PCDHAC1: variants seen among roughly 807,000 people sequenced by gnomAD.
The protein encoded by PCDHAC1 is protocadherin alpha-C1.
Under a neutral mutation model 60.0 loss-of-function variants are expected in PCDHAC1, and 42 were observed. The observed-to-expected ratio is 0.70, with a 90% CI of 0.55 to 0.90. PCDHAC1 has a LOEUF of 0.90. Among genes scored for constraint, PCDHAC1 ranks in the 40% least tolerant of loss-of-function variants. The probability of loss-of-function intolerance (pLI) is 0.00; values close to 1 mark genes in which losing one functional copy is unlikely to be tolerated. For synonymous variants in PCDHAC1, 468 were observed against 499.3 expected, an observed-to-expected ratio of 0.94 and a Z score of 0.84; for missense variants, 1,160 against 1,222.3, an observed-to-expected ratio of 0.95 and a Z score of 0.76.
chr5:140,989,733 C>T (rs31874), intron 3 of PCDHAC1, among the ~76,000 whole-genome samples: 120,660 of 152,102 alleles, frequency 0.79, 48,852 homozygotes, highest in East Asian at 0.98. Context: ...GTTGAAAAGG[C>T]CATTGCCTAA....
rs2086062257 is a variant in PCDHAC1 at position 140,929,330 on chromosome 5, G to A, written c.2433+5G>A. 6.5e-7 allele frequency: 1 copy of A among 1,535,218 alleles called. No homozygotes were observed. The highest frequency in any genetic ancestry group is 8.8e-7 in the Non-Finnish European group (1 of 1,138,812). ...CACGCTAATGTCAATGCCATGGTAA[G>A]CAAATTTTATGGAATTTGATTCCTT... On this transcript the variant is annotated splice_donor_5th_base_variant and intron_variant, in intron 1 of 3. Transcript: ENST00000253807.
Position 140,928,354 on chromosome 5 carries a change from A to G in PCDHAC1, c.1462A>G (p.Ile488Val). ...GLVSYELLDV[I>V]SEGPSASSLL... ...TGTCTCTTATGAGCTGTTGGATGTT[A>G]TCTCTGAAGGGCCATCAGCCTCTAG... Residue 488 changes from isoleucine (I) to valine (V), a missense_variant, in exon 1 of 4, where the codon ATC becomes GTC. Transcript: ENST00000253807. 1 of 1,614,150 alleles carries G rather than the reference A, an allele frequency of 6.2e-7. No individual in the cohort carries two copies. Among genetic ancestry groups the G allele is most frequent in the Non-Finnish European group, 8.5e-7 (1 of 1,180,024 alleles).
intron 1 of PCDHAC1, among the ~76,000 whole-genome samples, chr5:140,941,977 A>G (rs1247578104): frequency 6.6e-6 from 1 of 152,154 alleles, no homozygotes; most frequent in Admixed American, 6.5e-5. Context: ...CTTTCCCTAA[A>G]CCTTGATAAG....
intron 1 of PCDHAC1, among the ~76,000 whole-genome samples, chr5:140,959,893 T>A (rs782431808): frequency 6.6e-6 from 1 of 152,194 alleles, no homozygotes; most frequent in Non-Finnish European, 1.5e-5. Flanking sequence ...CGAGTGGGAT[T>A]TATATCAGAA....
At position 140,926,912 on chromosome 5, in the gene PCDHAC1, C is replaced by A; in HGVS notation, c.20C>A (p.Ala7Glu). The change falls in exon 1 of 4, where the codon GCA (alanine) becomes GAA (glutamate). Residue 7 changes from alanine to glutamate, a missense_variant. Transcript: ENST00000253807. MVGCGV[A>E]VLCLWVSCGA... ...GGGAGGATGGTGGGCTGTGGGGTGG[C>A]AGTTTTATGTTTGTGGGTTTCCTGC... 1 of 1,561,732 alleles carries A rather than the reference C, an allele frequency of 6.4e-7. No homozygotes were observed.
chr5:140,994,954 T>C (rs2097657181), intron 3 of PCDHAC1, among the ~76,000 whole-genome samples: 1 of 152,230 alleles, frequency 6.6e-6, no homozygotes, highest in Non-Finnish European at 1.5e-5. Flanking sequence ...AAATAATTTG[T>C]AGTTTCATTT....
rs544791644 is a variant in PCDHAC1, at chr5:140,937,295, C to G, written c.2433+7970C>G. Among the ~76,000 whole-genome samples the G allele has an allele frequency of 1.0e-3, 157 of 152,202 alleles. 1 individual carries two copies. Among genetic ancestry groups the G allele is most frequent in the Admixed American group, 4.7e-3 (72 of 15,286 alleles). On this transcript the variant is annotated intron_variant, in intron 1 of 3. Transcript: ENST00000253807. ...CTCGTGATTCACCCGCTTCGGCCTC[C>G]CAAAGTGCTGGGATTACAGGCGTGA...
At chr5:140,933,512 A>C (rs2089201610) in intron 1 of PCDHAC1, among the ~76,000 whole-genome samples, 1 of 152,078 alleles carries the variant, frequency 6.6e-6, no homozygotes, top group African/African-American at 2.4e-5. Context: ...CAAAGACTAC[A>C]GCTGTTTTGT....
intron 1 of PCDHAC1, among the ~76,000 whole-genome samples, chr5:140,958,134 T>C (rs1235856780): frequency 6.6e-6 from 1 of 152,150 alleles, no homozygotes; most frequent in African/African-American, 2.4e-5. Flanking sequence ...TGTATCAGTG[T>C]GTATATTTAT....
intron 1 of PCDHAC1, among the ~76,000 whole-genome samples, chr5:140,946,108 T>C (rs782062288): frequency 2.0e-5 from 3 of 151,938 alleles, no homozygotes; most frequent in Non-Finnish European, 4.4e-5. Context: ...ATACCAAATA[T>C]ATAAGGAACT....
At chr5:140,992,897 T>G (rs2097532683) in intron 3 of PCDHAC1, among the ~76,000 whole-genome samples, 2 of 152,156 alleles carry the variant, frequency 1.3e-5, no homozygotes, top group Admixed American at 1.3e-4. Flanking sequence ...GCTGGATATC[T>G]CCAAAGCTTA....
At chr5:140,980,448 G>A (rs1333028932) in intron 2 of PCDHAC1, among the ~76,000 whole-genome samples, 7 of 152,122 alleles carry the variant, frequency 4.6e-5, no homozygotes, top group African/African-American at 9.7e-5. Flanking sequence ...TGGACAACAC[G>A]GTGAAACCCT....
chr5:140,966,709 G>C, intron 1 of PCDHAC1: 1 of 1,387,174 alleles, frequency 7.2e-7, no homozygotes. Context: ...CGTGGGGCAC[G>C]GCTGGGGAAG....
chr5:140,933,772 C>T, intron 1 of PCDHAC1, among the ~76,000 whole-genome samples: 1 of 152,176 alleles, frequency 6.6e-6, no homozygotes, highest in African/African-American at 2.4e-5. Flanking sequence ...TCTGTACCTA[C>T]AGTTTTCTTT....
intron 3 of PCDHAC1, among the ~76,000 whole-genome samples, chr5:140,991,824 A>T (rs1326935155): frequency 1.3e-5 from 2 of 152,240 alleles, no homozygotes; most frequent in Non-Finnish European, 2.9e-5. Context: ...TTAGGCATTT[A>T]TAACGGCAGA....
At chr5:140,968,133 A>C in intron 1 of PCDHAC1, 6 of 1,614,140 alleles carry the variant, frequency 3.7e-6, no homozygotes, top group Non-Finnish European at 5.1e-6. Context: ...CGTACACTGA[A>C]GGTTGAGATC....
In PCDHAC1 at chr5:140,991,828, C is replaced by T. The variant is rs1554252431; in HGVS notation, c.2581+9265C>T. Among the ~76,000 whole-genome samples, 6 of 152,168 alleles carry T rather than the reference C, an allele frequency of 3.9e-5. No homozygotes were observed. The South Asian group carries it at 6.2e-4, about 16-fold the overall frequency. The stretch of plus-strand genomic sequence containing the variant: ...CTTCCGCATTTTTAGGCATTTATAA[C>T]GGCAGAACCGCACTTCCAGATACCA... On this transcript the variant is annotated intron_variant, in intron 3 of 3. Transcript: ENST00000253807.
intron 3 of PCDHAC1, among the ~76,000 whole-genome samples, chr5:140,990,141 C>A (rs2097376222): frequency 6.6e-6 from 1 of 151,818 alleles, no homozygotes; most frequent in African/African-American, 2.4e-5. Flanking sequence ...ACTCAAGAGG[C>A]ATAATAATAG....
At chr5:140,984,013 A>G (rs1258063909) in intron 3 of PCDHAC1, among the ~76,000 whole-genome samples, 1 of 152,234 alleles carries the variant, frequency 6.6e-6, no homozygotes, top group Non-Finnish European at 1.5e-5. Context: ...TAATATTGCC[A>G]GATTGCAAGG....
Sources: allele counts gnomAD v4.1 joint callset (sites outside exome capture counted in the v4.1 genomes callset), GRCh38; gene constraint gnomAD v4.1.1; transcripts MANE v1.5; gene names NCBI Gene and HGNC (gene_info 2026-07-23, HGNC 2026-07-21).